Variants in ADGRL4 observed in about 807,000 individuals in gnomAD.
ADGRL4 encodes adhesion G protein-coupled receptor L4.
A neutral mutation model predicts 74.8 loss-of-function variants in ADGRL4; 90 were observed. The observed-to-expected ratio is 1.20, with a 90% CI of 1.02 to 1.43. The LOEUF (loss-of-function observed/expected upper bound fraction) is 1.43. ADGRL4 is among the 40% of genes most tolerant of loss of function. The pLI, the probability that ADGRL4 is intolerant of heterozygous loss-of-function variation, is 0.00. For missense variants in ADGRL4, 881 were observed against 814.3 expected (o/e 1.08, Z -1.00); for synonymous variants, 311 against 279.2 (o/e 1.11, Z -1.14).
At chr1:78,938,597 T>C (rs1239246242) in intron 4 of ADGRL4, among the ~76,000 whole-genome samples, 4 of 152,096 alleles carry the variant, frequency 2.6e-5, no homozygotes. Flanking sequence ...CCAATGAATC[T>C]ACCTTAATAC....
rs1334353232 is a variant in ADGRL4 at position 78,891,068 on chromosome 1, T to C, written c.*86A>G. ...TGTCTAGTAGTTAATAATTGGATAA[T>C]TTGATGAGTCATTTTTATACATTGG... is the stretch of plus-strand genomic sequence containing the variant. On this transcript the variant is annotated 3_prime_UTR_variant, in exon 15 of 15. Coordinates refer to ENST00000370742, the MANE Select transcript of ADGRL4 (RefSeq NM_022159.4). 1.5e-6 allele frequency: 2 copies of C among 1,330,430 alleles called. No individual in the cohort carries two copies. Among genetic ancestry groups the C allele is most frequent in the Non-Finnish European group, 2.2e-6 (2 of 924,618 alleles). 82.4% of individuals were successfully genotyped at this position (1,330,430 alleles called of 1,614,324 possible).
At chr1:78,914,349 C>A (rs1648824741) in intron 12 of ADGRL4, among the ~76,000 whole-genome samples, 1 of 151,814 alleles carries the variant, frequency 6.6e-6, no homozygotes, top group Non-Finnish European at 1.5e-5. Context: ...CTGTAGTTGG[C>A]AGAAGATATT....
At position 78,917,745 on chromosome 1, in the gene ADGRL4, TATGTTAACATA is replaced by T. The variant is rs1557496646; in HGVS notation, c.1683-56_1683-46del. On this transcript the variant is annotated intron_variant, in intron 11 of 14. Coordinates refer to ENST00000370742, the MANE Select transcript of ADGRL4 (RefSeq NM_022159.4). ...TAGAATCTATAAATATGTTTGCATGTATGTTAACATAGCAAAATTATCAAAGAAATGCAAAG... is the reference window on the plus strand; with the variant it reads ...TAGAATCTATAAATATGTTTGCATGTGCAAAATTATCAAAGAAATGCAAAG... 4 of 1,569,994 alleles carry T rather than the reference TATGTTAACATA, an allele frequency of 2.5e-6. No homozygotes were observed. The South Asian group carries it at 4.5e-5, about 18-fold the overall frequency.
intron 12 of ADGRL4, among the ~76,000 whole-genome samples, chr1:78,904,489 TAA>T (rs1312658116): frequency 6.6e-6 from 1 of 151,970 alleles, no homozygotes; most frequent in Admixed American, 6.6e-5. Context: ...ATATACTGTA[TAA>T]GATAATTTAT....
At chr1:78,910,897 A>G (rs1648749315) in intron 12 of ADGRL4, among the ~76,000 whole-genome samples, 1 of 151,982 alleles carries the variant, frequency 6.6e-6, no homozygotes, top group African/African-American at 2.4e-5. Context: ...GATTTTTAAT[A>G]TTAATGAACC....
intron 2 of ADGRL4, among the ~76,000 whole-genome samples, chr1:78,981,953 G>A (rs1650404441): frequency 6.6e-6 from 1 of 151,328 alleles, no homozygotes; most frequent in Non-Finnish European, 1.5e-5. Context: ...TCTACTTTTA[G>A]TCTTCTTTGT....
In ADGRL4 at chr1:78,938,782, AT is replaced by A. The variant is rs1320728998; in HGVS notation, c.396+405del. ...TCACATTTTCAATCATACGACAATT[AT>A]TTTATAAATCACCTACTTTATTTGC... On this transcript the variant is annotated intron_variant, in intron 4 of 14. Transcript: ENST00000370742. Among the ~76,000 whole-genome samples, 4 of 152,206 alleles carry A rather than the reference AT, an allele frequency of 2.6e-5. No individual in the cohort carries two copies. The East Asian group carries it at 7.7e-4, about 29-fold the overall frequency.
chr1:78,920,350 G>A lies in ADGRL4; in HGVS notation c.1294C>T (p.Gln432Ter). 2.5e-6 allele frequency: 4 copies of A among 1,603,692 alleles called. No individual in the cohort carries two copies. Among genetic ancestry groups the A allele is most frequent in the South Asian group, 1.1e-5 (1 of 90,778 alleles). ...KDYNILTRIT[Q>*]LGIIISLICL... ...ATCAGTGAAATAATTATTCCTAGTT[G>A]AGTGATCCTTGTAAGAATATTATAA... The change falls in exon 10 of 15, where the codon CAA (glutamine) becomes TAA (stop). Residue 432 changes from glutamine (Q) to a stop codon, truncating the protein, a stop_gained. Transcript: ENST00000370742. LOFTEE classifies it high-confidence loss of function.
rs1172271456 is a variant in ADGRL4, at chr1:78,926,907, T to C, written c.1062A>G (p.Thr354=). 1.2e-6 allele frequency: 2 copies of C among 1,611,316 alleles called. No individual in the cohort carries two copies. Among genetic ancestry groups the C allele is most frequent in the Non-Finnish European group, 1.7e-6 (2 of 1,178,338 alleles). ...PPTLYELEKI[T]FTLSHRKVTD... is the part of the protein sequence containing the mutation. ...TTACCTTTCGATGACTTAATGTAAATGTTATTTTTTCAAGTTCATATAATG... is the reference window on the plus strand; with the variant it reads ...TTACCTTTCGATGACTTAATGTAAACGTTATTTTTTCAAGTTCATATAATG... Residue 354 remains threonine, a synonymous_variant, in exon 8 of 15, where the codon ACA becomes ACG. Coordinates refer to ENST00000370742, the MANE Select transcript of ADGRL4 (RefSeq NM_022159.4).
intron 2 of ADGRL4, among the ~76,000 whole-genome samples, chr1:78,948,902 C>T (rs1649666826): frequency 6.6e-6 from 1 of 152,066 alleles, no homozygotes; most frequent in African/African-American, 2.4e-5. Flanking sequence ...ATCAAAAAGT[C>T]AGGATCTGTG....
chr1:78,967,956 A>C (rs1315748359), intron 2 of ADGRL4, among the ~76,000 whole-genome samples: 2 of 151,882 alleles, frequency 1.3e-5, no homozygotes, highest in Non-Finnish European at 1.5e-5. Flanking sequence ...CTTTCTTGAC[A>C]CCTGGCTTTT....
At position 78,917,873 on chromosome 1, in the gene ADGRL4, A is replaced by T. The variant is rs1415304109; in HGVS notation, c.1639T>A (p.Phe547Ile). ...GYLSPAVVVGFSAALGYRYYG... is the reference protein window; with the variant it reads ...GYLSPAVVVGISAALGYRYYG... The stretch of plus-strand genomic sequence containing the variant: ...TATCTGTATCCTAGTGCTGCCGAAA[A>T]TCCAACTACCACGGCTGGGCTTAGA... The change falls in exon 11 of 15, where the codon TTT becomes ATT. Residue 547 changes from phenylalanine (F) to isoleucine (I), a missense_variant. Phe to Ile is a conservative substitution (Grantham distance 21, BLOSUM62 0). Transcript: ENST00000370742. The T allele has an allele frequency of 1.2e-6, 2 of 1,612,716 alleles. No homozygotes were observed. Among genetic ancestry groups the T allele is most frequent in the South Asian group, 2.2e-5 (2 of 91,056 alleles).
At chr1:78,908,284 G>C (rs1040541552) in intron 12 of ADGRL4, among the ~76,000 whole-genome samples, 7 of 151,982 alleles carry the variant, frequency 4.6e-5, no homozygotes, top group Non-Finnish European at 8.8e-5. Context: ...CCTATACTGT[G>C]CTCTTGGCTA....
intron 3 of ADGRL4, among the ~76,000 whole-genome samples, chr1:78,945,718 C>T (rs887438330): frequency 1.3e-5 from 2 of 152,032 alleles, no homozygotes; most frequent in African/African-American, 4.8e-5. Flanking sequence ...CTACAAAGGA[C>T]ATTTTAGTGA....
At chr1:78,906,392 A>G (rs972697633) in intron 12 of ADGRL4, among the ~76,000 whole-genome samples, 17 of 151,960 alleles carry the variant, frequency 1.1e-4, no homozygotes, top group Non-Finnish European at 2.4e-4. Flanking sequence ...ACTAGTCTCA[A>G]AAACAGAATC....
intron 12 of ADGRL4, among the ~76,000 whole-genome samples, chr1:78,904,442 T>C (rs1209886727): frequency 6.6e-6 from 1 of 152,064 alleles, no homozygotes; most frequent in Non-Finnish European, 1.5e-5. Flanking sequence ...TTTCATTCTT[T>C]AATATATATT....
chr1:78,918,396 G>A (rs1000938820), intron 10 of ADGRL4, among the ~76,000 whole-genome samples: 8 of 151,836 alleles, frequency 5.3e-5, no homozygotes, highest in African/African-American at 1.9e-4. Context: ...GTTGATTTCT[G>A]TTTTGGAGAT....
rs763041161 is a variant in ADGRL4 at position 78,920,069 on chromosome 1, T to C, written c.1461+114A>G. 6.9e-4 allele frequency: 516 copies of C among 751,582 alleles called. 1 individual carries two copies. The highest frequency in any genetic ancestry group is 1.1e-3 in the Admixed American group (35 of 30,614). The allele number at this position is 751,582 out of a possible 1,614,324, so 46.6% of individuals were successfully genotyped here. ...GAAAGGATAGCTGAAGAACAAATTA[T>C]AGAGAACGTCTGCCCCATTAAACCC... On this transcript the variant is annotated intron_variant, in intron 10 of 14. Transcript: ENST00000370742.
chr1:78,910,618 T>C (rs1192821998), intron 12 of ADGRL4, among the ~76,000 whole-genome samples: 1 of 151,886 alleles, frequency 6.6e-6, no homozygotes, highest in Non-Finnish European at 1.5e-5. Flanking sequence ...TTTATAGTTG[T>C]GTACTTGAAT....
Sources: allele counts gnomAD v4.1 joint callset (sites outside exome capture counted in the v4.1 genomes callset), GRCh38; gene constraint gnomAD v4.1.1; transcripts MANE v1.5; gene names NCBI Gene and HGNC (gene_info 2026-07-23, HGNC 2026-07-21).